Variants in TMC1 observed in about 807,000 individuals in gnomAD.
The protein encoded by TMC1 is transmembrane channel like 1.
Under a neutral mutation model 105.8 loss-of-function variants are expected in TMC1, and 84 were observed. The ratio of observed to expected loss-of-function variants is 0.79; its 90% CI spans 0.67 to 0.95. The LOEUF (loss-of-function observed/expected upper bound fraction) is 0.95. TMC1 is among the 40% of genes least tolerant of loss of function. TMC1 has a pLI of 0.00. For missense variants in TMC1, 817 were observed against 914.1 expected (o/e 0.89, Z 1.37); for synonymous variants, 315 against 311.5 (o/e 1.01, Z -0.12).
In TMC1 at chr9:72,692,825, A is replaced by G. The variant is rs534852459; in HGVS notation, c.65-1718A>G. Among the ~76,000 whole-genome samples the G allele has an allele frequency of 1.8e-4, 27 of 152,252 alleles. 1 individual carries two copies. The highest frequency in any genetic ancestry group is 6.5e-4 in the African/African-American group (27 of 41,548). On this transcript the variant is annotated intron_variant, in intron 6 of 23. Transcript: ENST00000297784. ...ATACAGTTTTCCAAGCCCAGTTAGA[A>G]AAGTTATTATGGGCCGGGTGCGATA...
At chr9:72,795,103 C>T (rs1197718318) in intron 17 of TMC1, among the ~76,000 whole-genome samples, 1 of 152,106 alleles carries the variant, frequency 6.6e-6, no homozygotes, top group Non-Finnish European at 1.5e-5. Flanking sequence ...ACGGGAAGAA[C>T]AAAACCTCCA....
chr9:72,636,351 A>G (rs1825534266), intron 4 of TMC1, among the ~76,000 whole-genome samples: 1 of 152,206 alleles, frequency 6.6e-6, no homozygotes, highest in African/African-American at 2.4e-5. Flanking sequence ...GGCATCTTGT[A>G]TCTTTCTGTC....
At chr9:72,627,030 GT>G (rs1261010748) in intron 3 of TMC1, among the ~76,000 whole-genome samples, 1,561 of 127,642 alleles carry the variant, frequency 0.012, 20 homozygotes, top group African/African-American at 0.034. Flanking sequence ...TATGTTGTTG[GT>G]TTTTTTTTTT....
chr9:72,543,004 A>T (rs2132065664), intron 1 of TMC1, among the ~76,000 whole-genome samples: 1 of 152,236 alleles, frequency 6.6e-6, no homozygotes, highest in South Asian at 2.1e-4. Flanking sequence ...AATGTGTAAA[A>T]TGAAAATATG....
intron 2 of TMC1, among the ~76,000 whole-genome samples, chr9:72,613,840 C>T (rs897824959): frequency 6.6e-6 from 1 of 151,956 alleles, no homozygotes; most frequent in East Asian, 1.9e-4. Context: ...GGACATTTTA[C>T]CAATGGCGAG....
intron 5 of TMC1, among the ~76,000 whole-genome samples, chr9:72,655,426 G>A (rs1825868930): frequency 6.6e-6 from 1 of 152,080 alleles, no homozygotes; most frequent in South Asian, 2.1e-4. Flanking sequence ...CTGATGAGTA[G>A]TCTGACCATT....
rs560443545 is a variant in TMC1, at chr9:72,624,805, G to A, written c.-195-3116G>A. Among the ~76,000 whole-genome samples, 5 of 152,308 alleles carry A rather than the reference G, an allele frequency of 3.3e-5. No individual in the cohort carries two copies. In the South Asian group the frequency reaches 1.0e-3, roughly 32 times the overall value. ...CCTGCAATGTGTTCTGAAAATGTGT[G>A]GCTTAACTGCATCTACCCTAAAAGA... is the stretch of plus-strand genomic sequence containing the variant. On this transcript the variant is annotated intron_variant, in intron 3 of 23. Coordinates refer to ENST00000297784, the MANE Select transcript of TMC1 (RefSeq NM_138691.3).
intron 12 of TMC1, among the ~76,000 whole-genome samples, chr9:72,769,122 C>T (rs980356181): frequency 5.9e-5 from 9 of 152,206 alleles, no homozygotes; most frequent in African/African-American, 1.4e-4. Context: ...GGATTAGACT[C>T]AGGTCAAGTT....
rs912746546 is a variant in TMC1 at position 72,668,628 on chromosome 9, A to G, written c.16+19964A>G. On this transcript the variant is annotated intron_variant, in intron 5 of 23. Transcript: ENST00000297784. ...ATCACTTCTCTCTAAACTTTTCATC[A>G]TTTTCCTCTAAAAGTCCGGTCCTGA... is the stretch of plus-strand genomic sequence containing the variant. Among the ~76,000 whole-genome samples the G allele has an allele frequency of 1.2e-4, 18 of 152,050 alleles. 1 individual carries two copies. The highest frequency in any genetic ancestry group is 8.5e-4 in the Admixed American group (13 of 15,260).
At chr9:72,694,056 TTGAA>T (rs1259119182) in intron 6 of TMC1, among the ~76,000 whole-genome samples, 16 of 152,128 alleles carry the variant, frequency 1.1e-4, no homozygotes, top group Non-Finnish European at 1.5e-5. Context: ...ACCTCAAGGG[TTGAA>T]TGAATTTCTC....
intron 3 of TMC1, among the ~76,000 whole-genome samples, chr9:72,618,133 A>C (rs1205772480): frequency 7.2e-6 from 1 of 139,850 alleles, no homozygotes; most frequent in Non-Finnish European, 1.5e-5. Flanking sequence ...GGTTCAAGTG[A>C]CTCTCTTGCC....
rs148562331 is a variant in TMC1, at chr9:72,580,298, A to C, written c.-306+2275A>C. Among the ~76,000 whole-genome samples, 602 of 152,236 alleles carry C rather than the reference A, an allele frequency of 4.0e-3. 4 individuals are homozygous for C. Among genetic ancestry groups the C allele is most frequent in the African/African-American group, 0.014 (585 of 41,542 alleles). On this transcript the variant is annotated intron_variant, in intron 2 of 23. Coordinates refer to ENST00000297784, the MANE Select transcript of TMC1 (RefSeq NM_138691.3). ...TTTCCTTGTTTCTTTACTCCAAAGT[A>C]TTGCCTTATTTCTTTCCCAGAAACC...
rs1829146227 is a variant in TMC1, at chr9:72,837,634, G to C, written c.*1661G>C. ...TTACAGTTTGAATTGACTTTAAGTAGTAACACTCAGTGCCCTCACTAGCCT... is the reference window on the plus strand; with the variant it reads ...TTACAGTTTGAATTGACTTTAAGTACTAACACTCAGTGCCCTCACTAGCCT... On this transcript the variant is annotated 3_prime_UTR_variant, in exon 24 of 24. Transcript: ENST00000297784. The C allele has an allele frequency of 6.6e-6, 1 of 152,208 alleles. No homozygotes were observed. 9.4% of individuals were successfully genotyped at this position (152,208 alleles called of 1,614,324 possible).
At position 72,753,861 on chromosome 9, in the gene TMC1, G is replaced by A. The variant is rs181828916; in HGVS notation, c.643-925G>A. On this transcript the variant is annotated intron_variant, in intron 11 of 23. Coordinates refer to ENST00000297784, the MANE Select transcript of TMC1 (RefSeq NM_138691.3). ...GATCTCCTTTGTCCTCTGTGCCCCC[G>A]AACTTTGGGGCGAGACAGTGTGTCT... Among the ~76,000 whole-genome samples the A allele has an allele frequency of 3.0e-3, 464 of 152,210 alleles. 6 individuals carry two copies. The highest frequency in any genetic ancestry group is 0.017 in the Admixed American group (253 of 15,288).
intron 4 of TMC1, among the ~76,000 whole-genome samples, chr9:72,645,414 C>G (rs1367874466): frequency 3.3e-5 from 5 of 152,148 alleles, no homozygotes; most frequent in Non-Finnish European, 7.3e-5. Flanking sequence ...CAGTATGACC[C>G]TGAAGCCAAA....
At chr9:72,681,044 G>A (rs1174522708) in intron 5 of TMC1, among the ~76,000 whole-genome samples, 1 of 152,044 alleles carries the variant, frequency 6.6e-6, no homozygotes, top group East Asian at 1.9e-4. Flanking sequence ...AATAACCCAA[G>A]GATATAAGCA....
chr9:72,682,581 A>G (rs748677231), intron 5 of TMC1, among the ~76,000 whole-genome samples: 3 of 152,210 alleles, frequency 2.0e-5, no homozygotes, highest in Admixed American at 6.5e-5. Flanking sequence ...GGAGCTGCTT[A>G]GTTAACCTGA....
intron 18 of TMC1, among the ~76,000 whole-genome samples, chr9:72,815,050 C>T (rs1171761369): frequency 2.0e-5 from 3 of 151,710 alleles, no homozygotes; most frequent in Non-Finnish European, 4.4e-5. Context: ...GTGTCTTTTT[C>T]GTGGTCTTCT....
chr9:72,795,582 T>G (rs920556044), intron 17 of TMC1, among the ~76,000 whole-genome samples: 4 of 152,182 alleles, frequency 2.6e-5, no homozygotes, highest in Non-Finnish European at 4.4e-5. Flanking sequence ...AGATAATTTT[T>G]GGGCAAGCAA....
Sources: allele counts gnomAD v4.1 joint callset (sites outside exome capture counted in the v4.1 genomes callset), GRCh38; gene constraint gnomAD v4.1.1; transcripts MANE v1.5; gene names NCBI Gene and HGNC (gene_info 2026-07-23, HGNC 2026-07-21).